The following CEACAM18 variants were observed in gnomAD, a reference collection of about 807,000 sequenced individuals.
CEACAM18 encodes the protein cell adhesion molecule CEACAM18.
In CEACAM18, 33 loss-of-function variants were observed where a neutral mutation model predicts 34.3. The observed-to-expected ratio is 0.96, with a 90% CI of 0.73 to 1.29. CEACAM18 has a LOEUF of 1.29. Among genes scored for constraint, CEACAM18 ranks in the 50% most tolerant of loss-of-function variants. CEACAM18 has a pLI of 0.00. For synonymous variants in CEACAM18, 169 were observed against 180.9 expected, an observed-to-expected ratio of 0.93 and a Z score of 0.53; for missense variants, 474 against 485.0, an observed-to-expected ratio of 0.98 and a Z score of 0.21.
At chr19:51,489,901 T>C (rs1249287408) in intron 5 of CEACAM18, among the ~76,000 whole-genome samples, 1 of 152,142 alleles carries the variant, frequency 6.6e-6, no homozygotes, top group East Asian at 1.9e-4. Flanking sequence ...AGTTCAAGGG[T>C]ATTTCAAAGA....
intron 1 of CEACAM18, among the ~76,000 whole-genome samples, chr19:51,479,690 C>G (rs565658320): frequency 6.6e-6 from 1 of 152,112 alleles, no homozygotes; most frequent in Non-Finnish European, 1.5e-5. Flanking sequence ...AGAAGTGAGT[C>G]AGCAAGGAGG....
At chr19:51,483,099 A>G (rs774060387) in exon 4 of CEACAM18, 1 of 1,613,972 alleles carries the variant, frequency 6.2e-7, no homozygotes, top group South Asian at 1.1e-5. Flanking sequence ...CCCAAGTGGA[A>G]ATGGAGTGTA....
chr19:51,481,645 G>C (rs372184388), exon 3 of CEACAM18: 13 of 1,612,838 alleles, frequency 8.1e-6, no homozygotes, highest in Non-Finnish European at 1.1e-5. Flanking sequence ...AGAAGTGAAC[G>C]CATCTCTCTG....
exon 4 of CEACAM18, chr19:51,483,198 T>C (rs1355823774): frequency 6.2e-7 from 1 of 1,613,742 alleles, no homozygotes; most frequent in East Asian, 2.2e-5. Context: ...ACCTCTCGAG[T>C]CTTGCCTGGG....
At position 51,485,196 on chromosome 19, in the gene CEACAM18, G is replaced by T. The variant is rs536024042; in HGVS notation, c.1089+74G>T. The T allele has an allele frequency of 2.1e-4, 288 of 1,396,172 alleles. No homozygotes were observed. In the African/African-American group the frequency reaches 3.9e-3, roughly 19 times the overall value. 86.5% of individuals were successfully genotyped at this position (1,396,172 alleles called of 1,614,324 possible). ...GACTCAGGAGCCAGCCCTCCCTCCA[G>T]AGGGGAAGCAGAGCCAGAAGGGGAG... On this transcript the variant is annotated intron_variant, in intron 5 of 5. Transcript: ENST00000396477.
At chr19:51,480,305 C>G (rs1989887695) in intron 1 of CEACAM18, 28 bp from the exon 2 acceptor site, 1 of 1,522,576 alleles carries the variant, frequency 6.6e-7, no homozygotes, top group South Asian at 1.2e-5. Context: ...GTGAATTTCT[C>G]TCTGTCTTTT....
At chr19:51,478,668 G>A (rs369954686) in exon 1 of CEACAM18, 2 of 1,495,610 alleles carry the variant, frequency 1.3e-6, no homozygotes, top group Non-Finnish European at 1.8e-6. Context: ...CCCAGATGGA[G>A]CCTGTGGAGG....
At chr19:51,489,542 A>G (rs1421188625) in intron 5 of CEACAM18, among the ~76,000 whole-genome samples, 1 of 152,144 alleles carries the variant, frequency 6.6e-6, no homozygotes, top group Non-Finnish European at 1.5e-5. Flanking sequence ...TCACTATGTT[A>G]TCTAAAGATT....
chr19:51,490,418 C>A (rs983299493), intron 5 of CEACAM18, among the ~76,000 whole-genome samples, 169 bp from the exon 6 acceptor site: 1 of 152,098 alleles, frequency 6.6e-6, no homozygotes, highest in Admixed American at 6.6e-5. Flanking sequence ...TGAGGACTCT[C>A]GGTGCAGAGG....
intron 4 of CEACAM18, among the ~76,000 whole-genome samples, chr19:51,484,252 A>T: frequency 6.6e-6 from 1 of 151,986 alleles, no homozygotes; most frequent in Non-Finnish European, 1.5e-5. Context: ...CAGCCCTCCA[A>T]GTCATCGATT....
At chr19:51,483,317 G>C in intron 4 of CEACAM18, 21 bp downstream of exon 4, 3 of 1,613,254 alleles carry the variant, frequency 1.9e-6, no homozygotes, top group Admixed American at 3.3e-5. Flanking sequence ...TCCCCTCCAG[G>C]CTCATGCTTT....
rs575126913 is a variant in CEACAM18, at chr19:51,478,823, C to T, written c.52+129C>T. 283 of 617,152 alleles carry T rather than the reference C, an allele frequency of 4.6e-4. No individual in the cohort carries two copies. The African/African-American group carries it at 5.1e-3, about 11-fold the overall frequency. 38.2% of individuals were successfully genotyped at this position (617,152 alleles called of 1,614,324 possible). A position where few individuals can be genotyped will look rare whatever the true frequency, so the allele number is the denominator to read the frequency against. On this transcript the variant is annotated intron_variant, in intron 1 of 5. Transcript: ENST00000396477. ...ATCAAGAAACTCCCAGAGCAGGGGT[C>T]GGGGAGAGGAGAAGGGGGAGGACCC...
rs1327201659 is a variant in CEACAM18 at position 51,486,710 on chromosome 19, C to CTTT, written c.1089+1589_1089+1591dup. Among the ~76,000 whole-genome samples, 167 of 144,456 alleles carry CTTT rather than the reference C, an allele frequency of 1.2e-3. 1 individual carries two copies. The highest frequency in any genetic ancestry group is 3.5e-3 in the African/African-American group (134 of 38,476). 94.8% of individuals were successfully genotyped at this position (144,456 alleles called of 152,430 possible). A position where few individuals can be genotyped will look rare whatever the true frequency, so the allele number is the denominator to read the frequency against. On this transcript the variant is annotated intron_variant, in intron 5 of 5. Transcript: ENST00000396477. ...TTTTCTTTTTTCTTTTTCTTTCTTT[C>CTTT]TTTCTTTTCTTTCTTTTTTTTTTTT...
chr19:51,480,499 T>C (rs1345156411), exon 2 of CEACAM18: 2 of 1,613,878 alleles, frequency 1.2e-6, no homozygotes, highest in Non-Finnish European at 1.7e-6. Context: ...GAAACATGAT[T>C]ATCAGCCACA....
intron 1 of CEACAM18, 62 bp downstream of exon 1, chr19:51,478,756 A>C: frequency 2.5e-6 from 3 of 1,204,464 alleles, no homozygotes; most frequent in South Asian, 2.7e-5. Context: ...CTAGGAGCAA[A>C]GCGGCGGGGA....
chr19:51,491,007 C>T (rs1186972154), downstream of CEACAM18: 1 of 182,690 alleles, frequency 5.5e-6, no homozygotes, highest in South Asian at 2.0e-4. Context: ...ATGCTGTAAA[C>T]TTATGGCCAA....
rs1568525463 is a variant in CEACAM18 at position 51,486,716 on chromosome 19, TTTCTTTC to T, written c.1089+1597_1089+1603del. 2.0e-3 allele frequency among the ~76,000 whole-genome samples: 275 copies of T among 140,958 alleles called. 4 individuals carry two copies. In the East Asian group the frequency reaches 0.03, roughly 15 times the overall value. The allele number at this position is 140,958 out of a possible 152,430, so 92.5% of individuals were successfully genotyped here. A position where few individuals can be genotyped will look rare whatever the true frequency, so the allele number is the denominator to read the frequency against. On this transcript the variant is annotated intron_variant, in intron 5 of 5. Coordinates refer to ENST00000396477, the Ensembl canonical transcript of CEACAM18. ...TTTTTCTTTTTCTTTCTTTCTTTCT[TTTCTTTC>T]TTTTTTTTTTTTTATATGGAGTCTC...
upstream of CEACAM18, chr19:51,478,591 G>A (rs1280002144): frequency 6.7e-7 from 1 of 1,497,358 alleles, no homozygotes; most frequent in Non-Finnish European, 9.2e-7. Context: ...GAGCAGAGGA[G>A]GTGGCTGTGT....
downstream of CEACAM18, chr19:51,490,967 C>G (rs1385208268): frequency 4.2e-6 from 1 of 238,710 alleles, no homozygotes; most frequent in East Asian, 8.0e-5. Flanking sequence ...TCCAGCTTCT[C>G]AGATTTCTTC....
Sources: gnomAD v4.1 joint callset for allele counts (sites outside exome capture counted in the v4.1 genomes callset) on GRCh38, gnomAD v4.1.1 for gene constraint, MANE v1.5 for transcripts, NCBI Gene and HGNC (gene_info 2026-07-23, HGNC 2026-07-21) for gene names.